The following CCSER1 variants were observed in gnomAD, a reference collection of about 807,000 sequenced individuals.
CCSER1 encodes coiled-coil serine rich protein 1.
CCSER1 carries 41 observed loss-of-function variants against 82.0 expected under a neutral mutation model. The observed-to-expected ratio is 0.50, with a 90% confidence interval of 0.39 to 0.65. CCSER1 has a LOEUF of 0.65. Ranked by LOEUF, CCSER1 falls within the 30% of genes least tolerant of loss-of-function variation. The probability of loss-of-function intolerance (pLI) is 0.00; values close to 1 mark genes in which losing one functional copy is unlikely to be tolerated. For missense variants in CCSER1, 1,119 were observed against 1,064.2 expected (o/e 1.05, Z -0.72); for synonymous variants, 414 against 383.9 (o/e 1.08, Z -0.92).
chr4:90,321,114 A>AT (rs1314842894), intron 3 of CCSER1, among the ~76,000 whole-genome samples: 1 of 152,000 alleles, frequency 6.6e-6, no homozygotes, highest in Non-Finnish European at 1.5e-5. Context: ...ACAATAAATA[A>AT]TTTTTTCACT....
chr4:91,237,155 A>G (rs776298854), intron 10 of CCSER1, among the ~76,000 whole-genome samples: 3 of 152,080 alleles, frequency 2.0e-5, no homozygotes, highest in Non-Finnish European at 4.4e-5. Flanking sequence ...AATAAAATCA[A>G]TGAATATTAT....
At chr4:90,497,714 A>G (rs963318114) in intron 5 of CCSER1, among the ~76,000 whole-genome samples, 2 of 152,200 alleles carry the variant, frequency 1.3e-5, no homozygotes, top group African/African-American at 4.8e-5. Context: ...TGCTTCACTA[A>G]CGTTGCATAA....
intron 9 of CCSER1, chr4:90,938,682 T>A: frequency 2.6e-6 from 1 of 391,670 alleles, no homozygotes. Context: ...CAAGGCCCTG[T>A]GGAATCCTAC....
At chr4:91,595,010 A>G (rs774851752) in intron 10 of CCSER1, among the ~76,000 whole-genome samples, 1 of 151,980 alleles carries the variant, frequency 6.6e-6, no homozygotes, top group Non-Finnish European at 1.5e-5. Context: ...GGCAACTGAT[A>G]GCTCTCAAGT....
chr4:90,416,474 A>T (rs1485115606), intron 4 of CCSER1, among the ~76,000 whole-genome samples: 1 of 152,210 alleles, frequency 6.6e-6, no homozygotes, highest in African/African-American at 2.4e-5. Flanking sequence ...TTCTGAGCTC[A>T]GTTTCCTCAT....
rs559282640 is a variant in CCSER1 at position 90,481,774 on chromosome 4, G to A, written c.1724+13420G>A. On this transcript the variant is annotated intron_variant, in intron 5 of 10. Transcript: ENST00000509176. ...ATGTGTTGCTGGATTCGGTTTGCCA[G>A]TATTTTATTGAGGATTTTTGCATTA... Among the ~76,000 whole-genome samples, 4 of 152,282 alleles carry A rather than the reference G, an allele frequency of 2.6e-5. No homozygotes were observed. The South Asian group carries it at 6.2e-4, about 24-fold the overall frequency.
intron 7 of CCSER1, among the ~76,000 whole-genome samples, chr4:90,786,115 C>A (rs1754476607): frequency 6.6e-6 from 1 of 152,122 alleles, no homozygotes; most frequent in Admixed American, 6.5e-5. Context: ...TTCTCAAGGG[C>A]TTTCATAATG....
intron 1 of CCSER1, among the ~76,000 whole-genome samples, chr4:90,143,604 T>G (rs1331611122): frequency 6.6e-6 from 1 of 151,864 alleles, no homozygotes; most frequent in Non-Finnish European, 1.5e-5. Flanking sequence ...ATTGAATAAA[T>G]TAACTTTTCT....
At chr4:91,139,761 A>G (rs1728849407) in intron 10 of CCSER1, among the ~76,000 whole-genome samples, 1 of 152,222 alleles carries the variant, frequency 6.6e-6, no homozygotes, top group East Asian at 1.9e-4. Context: ...AGTGTCTAAT[A>G]TACATTTGTA....
intron 5 of CCSER1, among the ~76,000 whole-genome samples, chr4:90,613,568 G>A (rs1380347954): frequency 2.6e-5 from 4 of 152,094 alleles, no homozygotes; most frequent in African/African-American, 9.7e-5. Context: ...ATAATCTAGG[G>A]ATTTAGAATG....
At chr4:91,468,946 A>T (rs891542966) in intron 10 of CCSER1, among the ~76,000 whole-genome samples, 2 of 152,182 alleles carry the variant, frequency 1.3e-5, no homozygotes, top group African/African-American at 2.4e-5. Flanking sequence ...ATTCAATCTC[A>T]TATCTAAACT....
intron 10 of CCSER1, among the ~76,000 whole-genome samples, chr4:91,114,802 T>G (rs1039122105): frequency 2.0e-5 from 3 of 152,218 alleles, no homozygotes; most frequent in Non-Finnish European, 4.4e-5. Context: ...TGTTAGTATT[T>G]TTGCTTCTGT....
At position 91,142,374 on chromosome 4, in the gene CCSER1, A is replaced by C. The variant is rs1488675211; in HGVS notation, c.2217+56380A>C. ...ATCCATTAAACCTCTTTCCTTTATAAATTACCCAGTGTTGGGTATGTCTTT... is the reference window on the plus strand; with the variant it reads ...ATCCATTAAACCTCTTTCCTTTATACATTACCCAGTGTTGGGTATGTCTTT... On this transcript the variant is annotated intron_variant, in intron 10 of 10. Transcript: ENST00000509176. 2.0e-5 allele frequency among the ~76,000 whole-genome samples: 3 copies of C among 152,218 alleles called. No individual in the cohort carries two copies. The East Asian group carries it at 5.8e-4, about 29-fold the overall frequency.
chr4:90,819,125 C>T (rs562506244), intron 8 of CCSER1, among the ~76,000 whole-genome samples: 5 of 152,056 alleles, frequency 3.3e-5, no homozygotes, highest in Non-Finnish European at 5.9e-5. Context: ...TCGGTATGTG[C>T]TCCCATGGTC....
chr4:90,983,330 T>C (rs1736292807), intron 9 of CCSER1, among the ~76,000 whole-genome samples: 1 of 151,762 alleles, frequency 6.6e-6, no homozygotes, highest in Non-Finnish European at 1.5e-5. Flanking sequence ...AAATTCCCAG[T>C]CTAATTTAAT....
intron 10 of CCSER1, among the ~76,000 whole-genome samples, chr4:91,331,333 A>T (rs114072706): frequency 0.03 from 4,545 of 152,172 alleles, 212 homozygotes; most frequent in African/African-American, 0.1. Context: ...ATTACTTAAC[A>T]TGCAAATCTG....
At chr4:90,749,514 T>G (rs779845086) in intron 7 of CCSER1, among the ~76,000 whole-genome samples, 2,397 of 152,118 alleles carry the variant, frequency 0.016, 27 homozygotes, top group African/African-American at 0.024. Flanking sequence ...TTGACTTGGC[T>G]ATGCGGGCTC....
intron 3 of CCSER1, among the ~76,000 whole-genome samples, chr4:90,322,120 A>G (rs191454153): frequency 6.6e-6 from 1 of 152,246 alleles, no homozygotes; most frequent in Admixed American, 6.5e-5. Context: ...TTGAGGTCTT[A>G]GATTTAAGTG....
intron 7 of CCSER1, among the ~76,000 whole-genome samples, chr4:90,760,542 A>G (rs972443894): frequency 6.6e-6 from 1 of 152,096 alleles, no homozygotes. Flanking sequence ...TAGAACAATC[A>G]TTTTGAATAA....
Sources: allele counts gnomAD v4.1 joint callset (sites outside exome capture counted in the v4.1 genomes callset), GRCh38; gene constraint gnomAD v4.1.1; transcripts MANE v1.5; gene names NCBI Gene and HGNC (gene_info 2026-07-23, HGNC 2026-07-21).